TENM4: variants seen among roughly 807,000 people sequenced by gnomAD.
TENM4 encodes the protein teneurin transmembrane protein 4.
Under a neutral mutation model 243.3 loss-of-function variants are expected in TENM4, and 82 were observed. That is an observed-to-expected ratio of 0.34 (90% confidence interval 0.28 to 0.40). The LOEUF (loss-of-function observed/expected upper bound fraction) is 0.40, where lower values mean the gene tolerates loss of function less well. Among genes scored for constraint, TENM4 ranks in the 10% least tolerant of loss-of-function variants. The pLI is 1.00. For synonymous variants in TENM4, 1,412 were observed against 1,456.3 expected (o/e 0.97, Z 0.69); for missense variants, 3,138 against 3,673.3 (o/e 0.85, Z 3.77).
At chr11:78,717,138 C>A (rs1270355019) in intron 25 of TENM4, among the ~76,000 whole-genome samples, 2 of 152,178 alleles carry the variant, frequency 1.3e-5, no homozygotes, top group Non-Finnish European at 2.9e-5. Flanking sequence ...TCAAACATAA[C>A]CTTAGTTTCT....
chr11:79,185,531 A>G (rs1267542075), intron 3 of TENM4, among the ~76,000 whole-genome samples: 1 of 152,172 alleles, frequency 6.6e-6, no homozygotes, highest in Non-Finnish European at 1.5e-5. Context: ...TCACCAGCGA[A>G]TGGCATGGTG....
intron 6 of TENM4, among the ~76,000 whole-genome samples, chr11:79,036,003 T>A (rs1225052493): frequency 1.3e-5 from 2 of 152,198 alleles, no homozygotes; most frequent in Non-Finnish European, 2.9e-5. Flanking sequence ...GCCTCTTGAA[T>A]CATCTTTTTA....
At chr11:78,726,313 T>C (rs2135857693) in intron 22 of TENM4, 91 bp from the exon 23 acceptor site, 1 of 1,429,050 alleles carries the variant, frequency 7.0e-7, no homozygotes, top group Non-Finnish European at 9.3e-7. Flanking sequence ...GGCTTATCTT[T>C]TGTAGAAGAG....
rs564878286 is a variant in TENM4 at position 78,804,870 on chromosome 11, CT to C, written c.2179+421del. Among the ~76,000 whole-genome samples the C allele has an allele frequency of 8.5e-5, 13 of 152,242 alleles. No homozygotes were observed. In the South Asian group the frequency reaches 1.2e-3, roughly 15 times the overall value. On this transcript the variant is annotated intron_variant, in intron 15 of 33. Coordinates refer to ENST00000278550, the MANE Select transcript of TENM4 (RefSeq NM_001098816.3). ...CCCTAAACACTACACTGAGTTTGGA[CT>C]TCATTCTGAGAAATGGGTGAAACTG...
intron 2 of TENM4, among the ~76,000 whole-genome samples, chr11:79,255,347 T>G (rs11237775): frequency 6.6e-6 from 1 of 152,142 alleles, no homozygotes; most frequent in Admixed American, 6.5e-5. Flanking sequence ...CGGCCTCTCA[T>G]GTTCCTAACG....
At chr11:79,306,185 A>G (rs1347912080) in intron 1 of TENM4, among the ~76,000 whole-genome samples, 1 of 152,188 alleles carries the variant, frequency 6.6e-6, no homozygotes, top group African/African-American at 2.4e-5. Flanking sequence ...TGAGGGTTGT[A>G]TGACACTGTA....
chr11:78,730,401 C>A lies in TENM4; in HGVS notation c.3139-758G>T, dbSNP rs911639053. 3.9e-5 allele frequency among the ~76,000 whole-genome samples: 6 copies of A among 152,300 alleles called. No individual in the cohort carries two copies. In the South Asian group the frequency reaches 8.3e-4, roughly 21 times the overall value. On this transcript the variant is annotated intron_variant, in intron 21 of 33. Coordinates refer to ENST00000278550, the MANE Select transcript of TENM4 (RefSeq NM_001098816.3). ...AACAAATAATTATGCAGAGTTCAGACCACAGCCTGGCAGGACCTGTGGTTC... is the reference window on the plus strand; with the variant it reads ...AACAAATAATTATGCAGAGTTCAGAACACAGCCTGGCAGGACCTGTGGTTC...
chr11:79,058,097 G>C (rs1054390011), intron 6 of TENM4, among the ~76,000 whole-genome samples: 1 of 152,114 alleles, frequency 6.6e-6, no homozygotes, highest in Non-Finnish European at 1.5e-5. Flanking sequence ...AATAGGTTAT[G>C]GGTTCAATTT....
intron 24 of TENM4, among the ~76,000 whole-genome samples, chr11:78,720,644 G>A (rs1044005422): frequency 2.0e-5 from 3 of 152,234 alleles, no homozygotes; most frequent in East Asian, 1.9e-4. Flanking sequence ...TTTGGGGGAA[G>A]AGGACTAGGT....
intron 18 of TENM4, among the ~76,000 whole-genome samples, chr11:78,760,641 G>C (rs1289605242): frequency 6.6e-6 from 1 of 152,156 alleles, no homozygotes; most frequent in African/African-American, 2.4e-5. Flanking sequence ...GCCACACCAT[G>C]GCCGTTTAAT....
intron 1 of TENM4, among the ~76,000 whole-genome samples, chr11:79,413,784 C>T (rs117967360): frequency 3.0e-3 from 454 of 152,084 alleles, no homozygotes; most frequent in Non-Finnish European, 5.1e-3. Flanking sequence ...TAGGAATAAA[C>T]ATCATATTGT....
At chr11:79,047,309 C>T (rs1859681279) in intron 6 of TENM4, among the ~76,000 whole-genome samples, 1 of 152,164 alleles carries the variant, frequency 6.6e-6, no homozygotes, top group Admixed American at 6.5e-5. Flanking sequence ...AGGTTTCACC[C>T]CAGCTTTTGA....
chr11:78,905,386 TG>T (rs1407486676), intron 6 of TENM4, among the ~76,000 whole-genome samples: 3 of 152,010 alleles, frequency 2.0e-5, no homozygotes, highest in African/African-American at 7.3e-5. Context: ...GCCAATCTGG[TG>T]GGGAATTCGG....
At chr11:78,804,306 C>G (rs772556575) in intron 15 of TENM4, among the ~76,000 whole-genome samples, 23 of 152,314 alleles carry the variant, frequency 1.5e-4, no homozygotes, top group Non-Finnish European at 2.9e-4. Context: ...TCCCAGAATG[C>G]ACACTCTACG....
At chr11:79,272,036 T>C (rs963814012) in intron 2 of TENM4, among the ~76,000 whole-genome samples, 2 of 152,198 alleles carry the variant, frequency 1.3e-5, no homozygotes, top group African/African-American at 4.8e-5. Flanking sequence ...ATTTTCCAGA[T>C]GACAAAGTCA....
At chr11:79,366,505 T>A (rs1857680146) in intron 1 of TENM4, among the ~76,000 whole-genome samples, 1 of 152,256 alleles carries the variant, frequency 6.6e-6, no homozygotes, top group South Asian at 2.1e-4. Context: ...GATTAGGGGA[T>A]GTCCTGAGGA....
chr11:78,835,057 G>A (rs973360796), intron 12 of TENM4, among the ~76,000 whole-genome samples: 2 of 152,000 alleles, frequency 1.3e-5, no homozygotes, highest in Non-Finnish European at 2.9e-5. Flanking sequence ...GTTTGTCCTT[G>A]TGGGTTTACT....
At chr11:79,175,264 C>T (rs1863136068) in intron 3 of TENM4, among the ~76,000 whole-genome samples, 1 of 152,124 alleles carries the variant, frequency 6.6e-6, no homozygotes, top group Non-Finnish European at 1.5e-5. Context: ...CCAAGCAAGC[C>T]ATGGATTTAT....
Position 78,672,273 on chromosome 11 carries a change from C to T in TENM4, c.5553G>A (p.Lys1851=). ...LDFDRVTRTE[K]IYDDHRKFTL... Reference sequence around the variant, plus strand: ...TGAACTTGCGGTGGTCATCATAGATCTTCTCTGTGCGTGTTACGCGATCAA... The same window carrying T: ...TGAACTTGCGGTGGTCATCATAGATTTTCTCTGTGCGTGTTACGCGATCAA... Residue 1851 remains lysine (K), a synonymous_variant, in exon 31 of 34, where the codon AAG becomes AAA. Coordinates refer to ENST00000278550, the MANE Select transcript of TENM4 (RefSeq NM_001098816.3). 2.5e-6 allele frequency: 4 copies of T among 1,613,986 alleles called. No homozygotes were observed. The South Asian group carries it at 4.4e-5, about 18-fold the overall frequency.
Sources: gnomAD v4.1 joint callset for allele counts (sites outside exome capture counted in the v4.1 genomes callset) on GRCh38, gnomAD v4.1.1 for gene constraint, MANE v1.5 for transcripts, NCBI Gene and HGNC (gene_info 2026-07-23, HGNC 2026-07-21) for gene names.